GLI2: variants seen among roughly 807,000 people sequenced by gnomAD.
The protein encoded by GLI2 is GLI family zinc finger 2, also known as transcription activator GLI2.
In GLI2, 22 loss-of-function variants were observed where a neutral mutation model predicts 78.9. That is an observed-to-expected ratio of 0.28 (90% CI 0.20 to 0.40). The LOEUF (loss-of-function observed/expected upper bound fraction) is 0.40. Ranked by LOEUF, GLI2 falls within the 10% of genes least tolerant of loss-of-function variation. The pLI is 1.00. For synonymous variants in GLI2, 974 were observed against 963.7 expected, an observed-to-expected ratio of 1.01 and a Z score of -0.20; for missense variants, 2,097 against 2,213.2, an observed-to-expected ratio of 0.95 and a Z score of 1.05.
chr2:120,953,232 C>T (rs1018556780), intron 4 of GLI2, among the ~76,000 whole-genome samples: 11 of 152,208 alleles, frequency 7.2e-5, no homozygotes, highest in African/African-American at 2.7e-4. Flanking sequence ...AAGGCAGACA[C>T]ATTCATGCCC....
At chr2:120,797,571 G>C (rs1338956054) in intron 2 of GLI2, 103 bp downstream of exon 2, 4 of 1,112,818 alleles carry the variant, frequency 3.6e-6, no homozygotes, top group Admixed American at 4.0e-5. Context: ...AGGCATGCTG[G>C]GTTTATGGAG....
chr2:120,873,227 T>G (rs1688559426), intron 2 of GLI2, among the ~76,000 whole-genome samples: 2 of 152,346 alleles, frequency 1.3e-5, no homozygotes, highest in South Asian at 4.1e-4. Flanking sequence ...CCCTCAAAAA[T>G]TATTGGTAGC....
chr2:120,746,448 G>T (rs1009702650), intron 1 of GLI2, among the ~76,000 whole-genome samples: 1 of 152,196 alleles, frequency 6.6e-6, no homozygotes, highest in Admixed American at 6.5e-5. Flanking sequence ...AGAGGCCTGG[G>T]TCTCTCTGCT....
chr2:120,927,630 C>T (rs1679752041), intron 3 of GLI2, among the ~76,000 whole-genome samples, 164 bp downstream of exon 3: 1 of 152,188 alleles, frequency 6.6e-6, no homozygotes, highest in Non-Finnish European at 1.5e-5. Context: ...GGCCTGGGAC[C>T]CTGTGTGAGC....
chr2:120,902,898 G>A (rs1349649072), intron 2 of GLI2, among the ~76,000 whole-genome samples: 1 of 152,184 alleles, frequency 6.6e-6, no homozygotes, highest in Non-Finnish European at 1.5e-5. Flanking sequence ...GGGGAGGACA[G>A]GTGGAGCTCT....
intron 2 of GLI2, among the ~76,000 whole-genome samples, chr2:120,858,056 G>A (rs1417362173): frequency 6.6e-6 from 1 of 152,192 alleles, no homozygotes; most frequent in African/African-American, 2.4e-5. Context: ...CCTGGCCTCT[G>A]TGTAGGGTGG....
chr2:120,884,038 G>T (rs1356047521), intron 2 of GLI2, among the ~76,000 whole-genome samples: 1 of 152,222 alleles, frequency 6.6e-6, no homozygotes, highest in African/African-American at 2.4e-5. Context: ...ACCACCTGAA[G>T]TTAGGGCAGC....
rs1401412312 is a variant in GLI2, at chr2:120,990,826, GAGA to G, written c.*154_*156del. On this transcript the variant is annotated 3_prime_UTR_variant, in exon 14 of 14. Transcript: ENST00000361492. ...CCGCTTCAGATGACAGATGTTGTAAGAGAAGGTTTATGGGCATCCTCTCTGGTC... is the reference window on the plus strand; with the variant it reads ...CCGCTTCAGATGACAGATGTTGTAAGAGGTTTATGGGCATCCTCTCTGGTC... 1.7e-5 allele frequency: 11 copies of G among 629,870 alleles called. No homozygotes were observed. Among genetic ancestry groups the G allele is most frequent in the Non-Finnish European group, 3.0e-5 (11 of 362,582 alleles). The allele number at this position is 629,870 out of a possible 1,614,324, so 39.0% of individuals were successfully genotyped here.
intron 2 of GLI2, among the ~76,000 whole-genome samples, chr2:120,826,628 GC>G (rs1686076602): frequency 6.6e-6 from 1 of 152,188 alleles, no homozygotes; most frequent in African/African-American, 2.4e-5. Flanking sequence ...GGGATTCCCT[GC>G]ATTGCCGTTT....
chr2:120,951,701 G>C, intron 4 of GLI2: 1 of 443,104 alleles, frequency 2.3e-6, no homozygotes, highest in Admixed American at 4.0e-5. Context: ...GGTCTATCCA[G>C]GTAGGTCCTG....
intron 5 of GLI2, among the ~76,000 whole-genome samples, chr2:120,965,175 A>G (rs946546586): frequency 3.9e-5 from 6 of 152,200 alleles, no homozygotes; most frequent in Admixed American, 3.3e-4. Context: ...TCCAGCCAGG[A>G]TGCAGATGCT....
chr2:120,891,125 G>C (rs972285592), intron 2 of GLI2, among the ~76,000 whole-genome samples: 1 of 152,212 alleles, frequency 6.6e-6, no homozygotes, highest in Non-Finnish European at 1.5e-5. Context: ...CTGATGGCTG[G>C]TGGGGAGCAG....
chr2:120,848,299 G>C (rs1358213705), intron 2 of GLI2, among the ~76,000 whole-genome samples: 13 of 152,152 alleles, frequency 8.5e-5, no homozygotes, highest in Admixed American at 8.5e-4. Context: ...TAGAACGTGG[G>C]GCTCCTCCAT....
Position 120,989,173 on chromosome 2 carries a change from C to T in GLI2, c.3208C>T (p.Pro1070Ser). ...ALDEGTGQVY[P>S]TESTGFSDNP... ...GGACGAGGGCACCGGGCAGGTGTATCCCACGGAAAGCACTGGCTTCTCTGA... is the reference window on the plus strand; with the variant it reads ...GGACGAGGGCACCGGGCAGGTGTATTCCACGGAAAGCACTGGCTTCTCTGA... Residue 1070 changes from proline (P) to serine (S), a missense_variant, in exon 14 of 14, where the codon CCC becomes TCC. Coordinates refer to ENST00000361492, the MANE Select transcript of GLI2 (RefSeq NM_001374353.1). 1 of 1,613,234 alleles carries T rather than the reference C, an allele frequency of 6.2e-7. No individual in the cohort carries two copies. Among genetic ancestry groups the T allele is most frequent in the Non-Finnish European group, 8.5e-7 (1 of 1,180,000 alleles).
At chr2:120,803,545 G>A (rs1173858368) in intron 2 of GLI2, among the ~76,000 whole-genome samples, 1 of 152,204 alleles carries the variant, frequency 6.6e-6, no homozygotes, top group East Asian at 1.9e-4. Flanking sequence ...CCAGGTTTCT[G>A]GTGACTTCCT....
chr2:120,898,698 C>T (rs1437393832), intron 2 of GLI2, among the ~76,000 whole-genome samples: 1 of 152,156 alleles, frequency 6.6e-6, no homozygotes, highest in Non-Finnish European at 1.5e-5. Flanking sequence ...TGGATGACAT[C>T]ACCAATCTGA....
At chr2:120,784,071 T>G (rs1683923766) in intron 1 of GLI2, among the ~76,000 whole-genome samples, 1 of 152,190 alleles carries the variant, frequency 6.6e-6, no homozygotes, top group African/African-American at 2.4e-5. Flanking sequence ...GGGGACATGG[T>G]GTGCGGGGGC....
chr2:120,787,361 CAG>C (rs1210345065), intron 1 of GLI2, among the ~76,000 whole-genome samples: 7 of 152,330 alleles, frequency 4.6e-5, no homozygotes, highest in African/African-American at 1.7e-4. Flanking sequence ...CGTCCCCTCT[CAG>C]AGTCTCCTGC....
At chr2:120,985,760 C>G (rs900747104) in intron 12 of GLI2, among the ~76,000 whole-genome samples, 5 of 152,240 alleles carry the variant, frequency 3.3e-5, no homozygotes, top group African/African-American at 1.2e-4. Flanking sequence ...CTGCCCCACT[C>G]TACCTAACCC....
Sources: allele counts gnomAD v4.1 joint callset (sites outside exome capture counted in the v4.1 genomes callset), GRCh38; gene constraint gnomAD v4.1.1; transcripts MANE v1.5; gene names NCBI Gene and HGNC (gene_info 2026-07-23, HGNC 2026-07-21).